Variants in PDLIM5 observed in about 807,000 individuals in gnomAD.
PDLIM5 encodes PDZ and LIM domain 5.
A neutral mutation model predicts 64.2 loss-of-function variants in PDLIM5; 34 were observed. The ratio of observed to expected loss-of-function variants is 0.53; its 90% CI spans 0.40 to 0.71. The LOEUF (loss-of-function observed/expected upper bound fraction) is 0.71, where lower values mean the gene tolerates loss of function less well. Ranked by LOEUF, PDLIM5 falls within the 30% of genes least tolerant of loss-of-function variation. The pLI is 0.00. For synonymous variants in PDLIM5, 253 were observed against 269.1 expected, an observed-to-expected ratio of 0.94 and a Z score of 0.59; for missense variants, 683 against 733.6, an observed-to-expected ratio of 0.93 and a Z score of 0.80.
intron 2 of PDLIM5, among the ~76,000 whole-genome samples, chr4:94,475,884 G>A (rs1223084665): frequency 6.6e-6 from 1 of 152,072 alleles, no homozygotes; most frequent in Non-Finnish European, 1.5e-5. Flanking sequence ...CCAGGACATA[G>A]CCTCTATATT....
intron 2 of PDLIM5, among the ~76,000 whole-genome samples, chr4:94,501,843 A>G (rs971041375): frequency 3.9e-5 from 6 of 152,226 alleles, no homozygotes; most frequent in African/African-American, 1.4e-4. Context: ...CACCAAAATA[A>G]AAATATTGGG....
chr4:94,508,457 G>A (rs1200997184), intron 2 of PDLIM5, among the ~76,000 whole-genome samples: 2 of 152,236 alleles, frequency 1.3e-5, no homozygotes, highest in Non-Finnish European at 2.9e-5. Context: ...CTTGGGTCAA[G>A]TGTTGATGGG....
chr4:94,509,973 G>A (rs1322950105), intron 2 of PDLIM5, among the ~76,000 whole-genome samples: 1 of 152,102 alleles, frequency 6.6e-6, no homozygotes, highest in African/African-American at 2.4e-5. Context: ...CAATCAAGTT[G>A]CCACGCAGTA....
intron 10 of PDLIM5, 125 bp downstream of exon 10, chr4:94,654,765 C>T: frequency 1.6e-6 from 1 of 638,666 alleles, no homozygotes; most frequent in East Asian, 2.7e-5. Context: ...GCTTTCGGCA[C>T]TATTTATTAT....
At chr4:94,601,739 T>A (rs866145375) in intron 7 of PDLIM5, among the ~76,000 whole-genome samples, 10 of 152,174 alleles carry the variant, frequency 6.6e-5, no homozygotes, top group Non-Finnish European at 1.2e-4. Flanking sequence ...AAGGTAGAAT[T>A]AGCAGGCTCA....
chr4:94,557,733 T>C (rs1733477216), intron 3 of PDLIM5, among the ~76,000 whole-genome samples: 1 of 152,174 alleles, frequency 6.6e-6, no homozygotes, highest in Admixed American at 6.5e-5. Context: ...ATAAGAATGC[T>C]TGTGGTTTTT....
Position 94,662,531 on chromosome 4 carries a change from A to G in PDLIM5, c.1695A>G (p.Val565=). ...LGYTWHDTCF[V]CSVCCESLEG... ...ACACCTGGCATGACACTTGCTTTGT[A>G]TGCTCAGTAAGTAGAGTCTTATTTC... The change falls in exon 12 of 13, where the codon GTA becomes GTG. Residue 565 remains valine (V), a synonymous_variant. Transcript: ENST00000317968. 6.6e-7 allele frequency: 1 copy of G among 1,507,146 alleles called. No individual in the cohort carries two copies. Among genetic ancestry groups the G allele is most frequent in the South Asian group, 1.1e-5 (1 of 88,880 alleles). The allele number at this position is 1,507,146 out of a possible 1,614,324, so 93.4% of individuals were successfully genotyped here. A position where few individuals can be genotyped will look rare whatever the true frequency, so the allele number is the denominator to read the frequency against.
intron 2 of PDLIM5, among the ~76,000 whole-genome samples, chr4:94,469,727 C>G (rs906471295): frequency 2.6e-5 from 4 of 152,070 alleles, no homozygotes; most frequent in Admixed American, 2.0e-4. Flanking sequence ...GACCATATCT[C>G]CAGGCTGGTA....
intron 5 of PDLIM5, among the ~76,000 whole-genome samples, chr4:94,578,728 C>G (rs1735490028): frequency 2.0e-5 from 3 of 152,022 alleles, no homozygotes. Flanking sequence ...AAACTTGTTA[C>G]TATTATATTT....
intron 2 of PDLIM5, among the ~76,000 whole-genome samples, chr4:94,515,646 G>A (rs1254341262): frequency 1.3e-5 from 2 of 152,132 alleles, no homozygotes; most frequent in Admixed American, 1.3e-4. Context: ...GTGAAAAGTC[G>A]TGGTCCCACT....
intron 9 of PDLIM5, among the ~76,000 whole-genome samples, chr4:94,649,349 C>T (rs1231529911): frequency 6.6e-6 from 1 of 152,140 alleles, no homozygotes; most frequent in Non-Finnish European, 1.5e-5. Flanking sequence ...GATACCCTGT[C>T]ATGGCCACAG....
At chr4:94,576,300 A>G (rs1022546225) in intron 5 of PDLIM5, among the ~76,000 whole-genome samples, 1 of 152,216 alleles carries the variant, frequency 6.6e-6, no homozygotes, top group Non-Finnish European at 1.5e-5. Context: ...GTCCCGACAC[A>G]GCATTGAGCA....
chr4:94,587,095 G>A lies in PDLIM5; in HGVS notation c.920+651G>A, dbSNP rs1463399885. ...TAACGTACAGTGATTTATGAGCCTTGCCCCCCAAGCAGCCAGCACATACCT... is the reference window on the plus strand; with the variant it reads ...TAACGTACAGTGATTTATGAGCCTTACCCCCCAAGCAGCCAGCACATACCT... On this transcript the variant is annotated intron_variant, in intron 7 of 12. Coordinates refer to ENST00000317968, the MANE Select transcript of PDLIM5 (RefSeq NM_006457.5). 3.8e-6 allele frequency: 6 copies of A among 1,596,400 alleles called. No individual in the cohort carries two copies. The Admixed American group carries it at 8.8e-5, about 23-fold the overall frequency.
chr4:94,532,064 C>T (rs564621513), intron 3 of PDLIM5, among the ~76,000 whole-genome samples: 2 of 152,090 alleles, frequency 1.3e-5, no homozygotes, highest in South Asian at 4.1e-4. Context: ...AAATTTATAA[C>T]CCTATTGACT....
At chr4:94,597,654 C>A (rs1737175076) in intron 7 of PDLIM5, among the ~76,000 whole-genome samples, 1 of 152,078 alleles carries the variant, frequency 6.6e-6, no homozygotes. Context: ...TAATGACTTA[C>A]CGCTCAGGGT....
At chr4:94,487,264 T>C (rs1726432363) in intron 2 of PDLIM5, among the ~76,000 whole-genome samples, 1 of 152,210 alleles carries the variant, frequency 6.6e-6, no homozygotes, top group Non-Finnish European at 1.5e-5. Flanking sequence ...TATTAAAAGG[T>C]ATCAGTGCTG....
intron 2 of PDLIM5, among the ~76,000 whole-genome samples, chr4:94,497,831 T>G (rs1727542551): frequency 6.6e-6 from 1 of 152,180 alleles, no homozygotes; most frequent in Non-Finnish European, 1.5e-5. Context: ...TACCAACATT[T>G]GTCTCTTTAA....
chr4:94,561,558 A>G (rs1733851274), intron 3 of PDLIM5, among the ~76,000 whole-genome samples: 2 of 152,084 alleles, frequency 1.3e-5, no homozygotes, highest in Admixed American at 1.3e-4. Context: ...TTTTCTATGC[A>G]CTGGTTGTTA....
chr4:94,556,825 A>C (rs1302851720), intron 3 of PDLIM5, among the ~76,000 whole-genome samples: 2 of 152,046 alleles, frequency 1.3e-5, no homozygotes, highest in African/African-American at 2.4e-5. Flanking sequence ...AGATGAGTAG[A>C]TTGCAAAAAT....
Sources: allele counts gnomAD v4.1 joint callset (sites outside exome capture counted in the v4.1 genomes callset), GRCh38; gene constraint gnomAD v4.1.1; transcripts MANE v1.5; gene names NCBI Gene and HGNC (gene_info 2026-07-23, HGNC 2026-07-21).